FBXL2: variants seen among roughly 807,000 people sequenced by gnomAD.
FBXL2 encodes the protein F-box/LRR-repeat protein 2.
In FBXL2, 38 loss-of-function variants were observed where a neutral mutation model predicts 69.2. The ratio of observed to expected loss-of-function variants is 0.55; its 90% CI spans 0.42 to 0.72. The LOEUF (loss-of-function observed/expected upper bound fraction) is 0.72. FBXL2 is among the 30% of genes least tolerant of loss of function. FBXL2 has a pLI of 0.00. For missense variants in FBXL2, 354 were observed against 520.3 expected (o/e 0.68, Z 3.11); for synonymous variants, 192 against 201.3 (o/e 0.95, Z 0.39).
intron 2 of FBXL2, among the ~76,000 whole-genome samples, chr3:33,328,801 ATGTGTGTGTGTG>A (rs60685309): frequency 6.8e-6 from 1 of 146,782 alleles, no homozygotes; most frequent in African/African-American, 2.5e-5. Flanking sequence ...GTGTGTGTGC[ATGTGTGTGTGTG>A]TGTGTGTGTG....
At chr3:33,416,739 T>G in the FBXL2 span, 1 of 1,580,210 alleles carries the variant, frequency 6.3e-7, no homozygotes, top group Non-Finnish European at 8.6e-7. Flanking sequence ...CATTGGGAAT[T>G]AAAATGGACT....
rs538040407 is a variant in FBXL2 at position 33,403,022 on chromosome 3, T to A, written n.1215-212T>A. ...TATAAAATGCGAGACAGCTGACATTTATCAAGCAACCTCACAGACACATGT... is the reference window on the plus strand; with the variant it reads ...TATAAAATGCGAGACAGCTGACATTAATCAAGCAACCTCACAGACACATGT... On this transcript the variant is annotated intron_variant and non_coding_transcript_variant, in intron 12 of 12. Coordinates refer to the FBXL2 transcript ENST00000463736. The A allele has an allele frequency of 1.7e-4, 153 of 908,650 alleles. 1 individual carries two copies. In the Middle Eastern group the frequency reaches 2.0e-3, roughly 12 times the overall value. 56.3% of individuals were successfully genotyped at this position (908,650 alleles called of 1,614,324 possible).
chr3:33,287,041 C>A (rs899933272), intron 1 of FBXL2, among the ~76,000 whole-genome samples: 1 of 152,160 alleles, frequency 6.6e-6, no homozygotes, highest in African/African-American at 2.4e-5. Flanking sequence ...TCCGACAAGC[C>A]CCAGTGAGAT....
intron 1 of FBXL2, among the ~76,000 whole-genome samples, chr3:33,284,580 A>C (rs1221516202): frequency 6.6e-6 from 1 of 152,190 alleles, no homozygotes; most frequent in Non-Finnish European, 1.5e-5. Flanking sequence ...TGCAGAGCTG[A>C]GTTCAATTCC....
At chr3:33,377,881 G>A (rs967129316) in intron 11 of FBXL2, among the ~76,000 whole-genome samples, 1 of 152,214 alleles carries the variant, frequency 6.6e-6, no homozygotes, top group South Asian at 2.1e-4. Context: ...TTGAGAGAAG[G>A]AAATGCAGCC....
At chr3:33,318,750 C>T (rs533343159) in intron 2 of FBXL2, among the ~76,000 whole-genome samples, 1,564 of 60,268 alleles carry the variant, frequency 0.026, 21 homozygotes, top group African/African-American at 0.13. Flanking sequence ...TTTTAAACAT[C>T]TATTATTGCT....
chr3:33,384,647 T>C (rs1575425477), intron 14 of FBXL2, among the ~76,000 whole-genome samples: 1 of 152,198 alleles, frequency 6.6e-6, no homozygotes, highest in East Asian at 1.9e-4. Context: ...CTTAAACTTC[T>C]TCAAAATGTT....
At chr3:33,406,045 T>G (rs1227690600), downstream of FBXL2, among the ~76,000 whole-genome samples, 3 of 152,240 alleles carry the variant, frequency 2.0e-5, no homozygotes, top group South Asian at 2.1e-4. Flanking sequence ...GAGCTTTGAA[T>G]AAACTTATTG....
chr3:33,337,401 C>T (rs1451587033), intron 2 of FBXL2, among the ~76,000 whole-genome samples: 1 of 152,130 alleles, frequency 6.6e-6, no homozygotes, highest in Non-Finnish European at 1.5e-5. Flanking sequence ...TGCTCACAAT[C>T]ATCACTTGTA....
chr3:33,321,547 T>C (rs1467519268), intron 2 of FBXL2, among the ~76,000 whole-genome samples: 1 of 152,218 alleles, frequency 6.6e-6, no homozygotes, highest in Non-Finnish European at 1.5e-5. Flanking sequence ...ATGAAGATTC[T>C]TTTATACAGT....
At chr3:33,349,245 T>A (rs1421735529) in intron 2 of FBXL2, among the ~76,000 whole-genome samples, 1 of 152,224 alleles carries the variant, frequency 6.6e-6, no homozygotes, top group Non-Finnish European at 1.5e-5. Flanking sequence ...GAGTCTGTTC[T>A]GTGTGGTTTT....
downstream of FBXL2, chr3:33,408,557 A>G: frequency 4.7e-6 from 3 of 643,940 alleles, no homozygotes; most frequent in East Asian, 3.0e-5. Context: ...CAGGAAGTCT[A>G]AACAAAAGCA....
intron 4 of FBXL2, among the ~76,000 whole-genome samples, chr3:33,361,498 G>A (rs2041626711): frequency 6.6e-6 from 1 of 151,912 alleles, no homozygotes; most frequent in South Asian, 2.1e-4. Flanking sequence ...GTGACAGAGT[G>A]GGGCCCTGTC....
chr3:33,372,745 A>C (rs1167512871), intron 5 of FBXL2: 3 of 373,786 alleles, frequency 8.0e-6, no homozygotes, highest in Non-Finnish European at 1.5e-5. Flanking sequence ...TTTTTTGTAG[A>C]GCGGAGGGAG....
intron 2 of FBXL2, among the ~76,000 whole-genome samples, chr3:33,343,135 A>G (rs1043871803): frequency 3.3e-5 from 5 of 151,986 alleles, no homozygotes; most frequent in Non-Finnish European, 5.9e-5. Flanking sequence ...GAATTAGTAT[A>G]GTATTCAAAG....
intron 2 of FBXL2, among the ~76,000 whole-genome samples, chr3:33,341,007 C>G (rs1408756003): frequency 6.6e-6 from 1 of 150,978 alleles, no homozygotes; most frequent in East Asian, 1.9e-4. Context: ...TAGTGAGGAA[C>G]TCCAAATGAA....
At chr3:33,357,828 C>G (rs1320133917) in intron 2 of FBXL2, among the ~76,000 whole-genome samples, 1 of 152,182 alleles carries the variant, frequency 6.6e-6, no homozygotes. Context: ...CGCGCCCAGC[C>G]AAGATCCACT....
chr3:33,382,307 T>C (rs995148480), intron 13 of FBXL2, among the ~76,000 whole-genome samples: 8 of 152,218 alleles, frequency 5.3e-5, no homozygotes, highest in African/African-American at 1.9e-4. Context: ...CATTGGTGTA[T>C]AGATCAATGC....
chr3:33,350,088 A>G (rs1439568080), intron 2 of FBXL2, among the ~76,000 whole-genome samples: 2 of 152,220 alleles, frequency 1.3e-5, no homozygotes, highest in African/African-American at 4.8e-5. Flanking sequence ...AAAATATTAC[A>G]AAAAAGGAGA....
Sources: gnomAD v4.1 joint callset for allele counts (sites outside exome capture counted in the v4.1 genomes callset) on GRCh38, gnomAD v4.1.1 for gene constraint, MANE v1.5 for transcripts, NCBI Gene and HGNC (gene_info 2026-07-23, HGNC 2026-07-21) for gene names.